NRXN3: variants seen among roughly 807,000 people sequenced by gnomAD.
NRXN3 encodes the protein neurexin III.
A neutral mutation model predicts 137.6 loss-of-function variants in NRXN3; 32 were observed. That is an observed-to-expected ratio of 0.23 (90% CI 0.18 to 0.31). The LOEUF is 0.31. NRXN3 is among the 10% of genes least tolerant of loss of function. The probability of loss-of-function intolerance (pLI) is 1.00; values close to 1 mark genes in which losing one functional copy is unlikely to be tolerated. For missense variants in NRXN3, 1,574 were observed against 2,062.5 expected (o/e 0.76, Z 4.59); for synonymous variants, 798 against 784.5 (o/e 1.02, Z -0.29).
chr14:79,192,766 T>TTA (rs71131682), intron 15 of NRXN3, among the ~76,000 whole-genome samples: 1 of 6,704 alleles, frequency 1.5e-4, no homozygotes, highest in Non-Finnish European at 9.7e-4. Context: ...ATTCTCTTAA[T>TTA]TTTTTTTTTT....
chr14:78,863,632 T>G (rs2099078900), intron 10 of NRXN3, among the ~76,000 whole-genome samples: 1 of 152,142 alleles, frequency 6.6e-6, no homozygotes, highest in South Asian at 2.1e-4. Context: ...ATTTTGTTTC[T>G]TGAAGCAATG....
chr14:78,959,027 A>G (rs1443514303), intron 11 of NRXN3, among the ~76,000 whole-genome samples: 1 of 152,198 alleles, frequency 6.6e-6, no homozygotes, highest in African/African-American at 2.4e-5. Flanking sequence ...TATTATTTCT[A>G]TGGCCTTTCC....
At chr14:78,904,681 T>A (rs1242761012) in intron 10 of NRXN3, among the ~76,000 whole-genome samples, 2 of 152,062 alleles carry the variant, frequency 1.3e-5, no homozygotes, top group Non-Finnish European at 2.9e-5. Flanking sequence ...TCAAAGTAAC[T>A]GTTGCTCCTA....
At chr14:78,334,896 G>A (rs966284881) in intron 4 of NRXN3, among the ~76,000 whole-genome samples, 5 of 152,150 alleles carry the variant, frequency 3.3e-5, no homozygotes, top group African/African-American at 1.2e-4. Context: ...GGACGGAGCA[G>A]TGGAAATTTT....
chr14:79,472,607 T>C (rs2012042607), intron 16 of NRXN3, among the ~76,000 whole-genome samples: 1 of 152,146 alleles, frequency 6.6e-6, no homozygotes, highest in Non-Finnish European at 1.5e-5. Context: ...TGTCTTAGGG[T>C]AGAGGAATTT....
At chr14:78,252,109 G>T (rs2068721619) in intron 2 of NRXN3, among the ~76,000 whole-genome samples, 1 of 151,572 alleles carries the variant, frequency 6.6e-6, no homozygotes, top group Non-Finnish European at 1.5e-5. Context: ...CTCAAACCTT[G>T]ACTGTGGCCA....
chr14:78,876,677 G>C (rs547787476), intron 10 of NRXN3, among the ~76,000 whole-genome samples: 1 of 152,186 alleles, frequency 6.6e-6, no homozygotes, highest in South Asian at 2.1e-4. Flanking sequence ...TGTTAATAAT[G>C]GTGCAGTCAC....
intron 4 of NRXN3, among the ~76,000 whole-genome samples, chr14:78,578,722 A>AT (rs1253245524): frequency 2.0e-5 from 3 of 152,200 alleles, no homozygotes; most frequent in African/African-American, 7.2e-5. Flanking sequence ...CAGATGTTAA[A>AT]TTTTTTACTC....
intron 4 of NRXN3, among the ~76,000 whole-genome samples, chr14:78,456,835 T>C (rs970768181): frequency 7.6e-6 from 1 of 130,924 alleles, no homozygotes; most frequent in African/African-American, 2.6e-5. Context: ...CTTTCTTTCT[T>C]TCTTTCTTTC....
intron 10 of NRXN3, among the ~76,000 whole-genome samples, chr14:78,940,756 C>T (rs1245824041): frequency 6.6e-6 from 1 of 152,152 alleles, no homozygotes; most frequent in Non-Finnish European, 1.5e-5. Context: ...ACCGTGTACT[C>T]CCATTACTAG....
At chr14:79,193,652 G>A (rs189323590) in intron 15 of NRXN3, among the ~76,000 whole-genome samples, 2 of 152,170 alleles carry the variant, frequency 1.3e-5, no homozygotes, top group East Asian at 1.9e-4. Flanking sequence ...TAACTAATGG[G>A]CAGGGAAAAA....
chr14:78,709,750 A>G (rs550595771), intron 7 of NRXN3, 95 bp downstream of exon 7: 2 of 1,093,288 alleles, frequency 1.8e-6, no homozygotes, highest in East Asian at 2.4e-5. Flanking sequence ...TCACCCTTGC[A>G]TGCTTGTTGA....
intron 16 of NRXN3, among the ~76,000 whole-genome samples, chr14:79,638,672 T>C (rs2153954596): frequency 6.6e-6 from 1 of 152,338 alleles, no homozygotes; most frequent in South Asian, 2.1e-4. Flanking sequence ...ACCATCTAGG[T>C]TTCCTCTAGG....
chr14:79,554,798 G>T (rs1035615357), intron 16 of NRXN3, among the ~76,000 whole-genome samples: 1 of 152,118 alleles, frequency 6.6e-6, no homozygotes, highest in Non-Finnish European at 1.5e-5. Context: ...TACTTTATTG[G>T]TAACTGAGAA....
chr14:79,456,046 T>A (rs1036093220), intron 15 of NRXN3, among the ~76,000 whole-genome samples: 1 of 152,162 alleles, frequency 6.6e-6, no homozygotes, highest in African/African-American at 2.4e-5. Flanking sequence ...TGTCTCTTCA[T>A]TAATACTCTA....
chr14:79,426,001 G>A (rs1427023724), intron 15 of NRXN3, among the ~76,000 whole-genome samples: 1 of 150,072 alleles, frequency 6.7e-6, no homozygotes, highest in Non-Finnish European at 1.5e-5. Flanking sequence ...GAGAAGGGGA[G>A]AGAGAGAGAG....
At chr14:79,860,948 A>G (rs1367889806) in intron 20 of NRXN3, 1 of 756,612 alleles carries the variant, frequency 1.3e-6, no homozygotes, top group Non-Finnish European at 1.9e-6. Flanking sequence ...TTTTTATTAT[A>G]ATTTCTGAGG....
At chr14:78,333,787 A>C (rs552926193) in intron 4 of NRXN3, among the ~76,000 whole-genome samples, 20 of 152,198 alleles carry the variant, frequency 1.3e-4, no homozygotes, top group Admixed American at 3.9e-4. Context: ...TTCTACTCTG[A>C]GAGAATGGGG....
intron 8 of NRXN3, among the ~76,000 whole-genome samples, chr14:78,802,285 G>A (rs942305751): frequency 6.6e-6 from 1 of 152,098 alleles, no homozygotes; most frequent in Non-Finnish European, 1.5e-5. Context: ...AAGAGTCTTG[G>A]TTTTCCCAAA....
Sources: allele counts gnomAD v4.1 joint callset (sites outside exome capture counted in the v4.1 genomes callset), GRCh38; gene constraint gnomAD v4.1.1; transcripts MANE v1.5; gene names NCBI Gene and HGNC (gene_info 2026-07-23, HGNC 2026-07-21).